Variants in SMYD3 observed in about 807,000 individuals in gnomAD.
SMYD3 encodes SET and MYND domain containing 3, also known as histone-lysine N-methyltransferase SMYD3.
Under a neutral mutation model 57.7 loss-of-function variants are expected in SMYD3, and 36 were observed. The ratio of observed to expected loss-of-function variants is 0.62; its 90% CI spans 0.48 to 0.82. The LOEUF is 0.82. SMYD3 is among the 40% of genes least tolerant of loss of function. SMYD3 has a pLI of 0.00. For missense variants in SMYD3, 515 were observed against 538.8 expected (o/e 0.96, Z 0.44); for synonymous variants, 211 against 195.0 (o/e 1.08, Z -0.68).
chr1:246,269,010 T>C (rs1048930235), intron 5 of SMYD3, among the ~76,000 whole-genome samples: 2 of 152,146 alleles, frequency 1.3e-5, no homozygotes, highest in Admixed American at 6.5e-5. Context: ...ATTACTAAAT[T>C]AGAATCAGTA....
chr1:246,399,006 ATTTTAT>A (rs1369139372), intron 1 of SMYD3, among the ~76,000 whole-genome samples: 2 of 152,034 alleles, frequency 1.3e-5, no homozygotes, highest in Non-Finnish European at 2.9e-5. Context: ...TTTTTCATAT[ATTTTAT>A]TTTTATTTTA....
At chr1:245,950,487 C>T (rs947193289) in intron 5 of SMYD3, among the ~76,000 whole-genome samples, 2 of 152,188 alleles carry the variant, frequency 1.3e-5, no homozygotes, top group South Asian at 2.1e-4. Context: ...AGGCCCTGAA[C>T]GTCTGACCAC....
At chr1:246,046,432 A>C (rs1344806999) in intron 5 of SMYD3, among the ~76,000 whole-genome samples, 1 of 152,056 alleles carries the variant, frequency 6.6e-6, no homozygotes, top group Non-Finnish European at 1.5e-5. Context: ...CAATGAGAAC[A>C]CTTGGACACA....
intron 5 of SMYD3, among the ~76,000 whole-genome samples, chr1:246,304,707 C>T (rs2064950932): frequency 6.6e-6 from 1 of 152,180 alleles, no homozygotes; most frequent in Non-Finnish European, 1.5e-5. Flanking sequence ...AATACACCCC[C>T]TGCAGCCTAA....
intron 1 of SMYD3, among the ~76,000 whole-genome samples, chr1:246,447,938 G>A (rs889008733): frequency 2.0e-5 from 3 of 152,102 alleles, no homozygotes; most frequent in African/African-American, 4.8e-5. Context: ...AACTTTCCAC[G>A]TCTGCTTCCT....
At chr1:246,179,346 T>C (rs2062492319) in intron 5 of SMYD3, 1 of 152,294 alleles carries the variant, frequency 6.6e-6, no homozygotes, top group Admixed American at 6.5e-5. Context: ...TAATTTATTT[T>C]GGTGATGAGG....
intron 5 of SMYD3, among the ~76,000 whole-genome samples, chr1:246,238,984 G>A (rs1019799339): frequency 5.3e-5 from 8 of 150,486 alleles, no homozygotes; most frequent in African/African-American, 9.8e-5. Flanking sequence ...CCTGATGAGC[G>A]TCACACAACG....
At chr1:246,217,323 C>T (rs1395611639) in intron 5 of SMYD3, among the ~76,000 whole-genome samples, 1 of 152,008 alleles carries the variant, frequency 6.6e-6, no homozygotes, top group Non-Finnish European at 1.5e-5. Flanking sequence ...AAATCACAAG[C>T]CAGGGTAACG....
At chr1:246,051,223 C>T (rs999452057) in intron 5 of SMYD3, among the ~76,000 whole-genome samples, 1 of 151,718 alleles carries the variant, frequency 6.6e-6, no homozygotes, top group African/African-American at 2.4e-5. Context: ...CTCCACCTCC[C>T]AGGCTCATCA....
rs574674054 is a variant in SMYD3, at chr1:246,179,960, G to A, written c.531+147241C>T. Among the ~76,000 whole-genome samples the A allele has an allele frequency of 1.7e-4, 26 of 152,154 alleles. 2 individuals carry two copies. In the South Asian group the frequency reaches 5.4e-3, roughly 32 times the overall value. Reference sequence around the variant, plus strand: ...GTTCTTCAAAGGTGGGGACCTACTTGTTATCAGAGTAGCAGCCAAAAGAGG... The same window carrying A: ...GTTCTTCAAAGGTGGGGACCTACTTATTATCAGAGTAGCAGCCAAAAGAGG... On this transcript the variant is annotated intron_variant, in intron 5 of 11. Coordinates refer to ENST00000490107, the MANE Select transcript of SMYD3 (RefSeq NM_001167740.2).
chr1:245,779,165 GAA>G (rs369697643), intron 10 of SMYD3, among the ~76,000 whole-genome samples: 4 of 126,526 alleles, frequency 3.2e-5, no homozygotes, highest in Non-Finnish European at 5.5e-5. Context: ...GTCCCAAGGG[GAA>G]AAAAAAAAAA....
chr1:245,952,068 A>G (rs1324667524), intron 5 of SMYD3, among the ~76,000 whole-genome samples: 3 of 152,006 alleles, frequency 2.0e-5, no homozygotes, highest in Non-Finnish European at 4.4e-5. Flanking sequence ...CCGTTTCTGG[A>G]AAAAAAATGT....
intron 10 of SMYD3, among the ~76,000 whole-genome samples, chr1:245,802,745 A>G (rs1216954977): frequency 6.6e-6 from 1 of 152,212 alleles, no homozygotes; most frequent in African/African-American, 2.4e-5. Context: ...CTATGAAGAG[A>G]GTGAGGAATG....
intron 11 of SMYD3, among the ~76,000 whole-genome samples, chr1:245,754,362 T>C (rs920314352): frequency 6.6e-6 from 1 of 151,820 alleles, no homozygotes; most frequent in South Asian, 2.1e-4. Context: ...AATATGGATA[T>C]AAAATCAGAG....
chr1:245,749,508 C>T lies in SMYD3; in HGVS notation c.*55G>A. ...GCTAACAAAGCATAGAGTGTGTGAC[C>T]TCAATAAGGCATTCAACAAAGACAC... On this transcript the variant is annotated 3_prime_UTR_variant, in exon 12 of 12. Transcript: ENST00000490107. 1 of 1,352,612 alleles carries T rather than the reference C, an allele frequency of 7.4e-7. No individual in the cohort carries two copies. The highest frequency in any genetic ancestry group is 2.3e-5 in the East Asian group (1 of 43,666). 83.8% of individuals were successfully genotyped at this position (1,352,612 alleles called of 1,614,324 possible). A position where few individuals can be genotyped will look rare whatever the true frequency, so the allele number is the denominator to read the frequency against.
At chr1:245,922,278 A>C (rs940420021) in intron 7 of SMYD3, among the ~76,000 whole-genome samples, 7 of 152,246 alleles carry the variant, frequency 4.6e-5, no homozygotes, top group Admixed American at 2.0e-4. Flanking sequence ...TTTCAGACTT[A>C]AAGGTACCTT....
At chr1:246,373,843 G>A (rs1448214845) in intron 1 of SMYD3, among the ~76,000 whole-genome samples, 2 of 152,076 alleles carry the variant, frequency 1.3e-5, no homozygotes, top group Non-Finnish European at 2.9e-5. Context: ...AACATTACTT[G>A]TTTGAAAATA....
intron 1 of SMYD3, among the ~76,000 whole-genome samples, chr1:246,437,119 G>A (rs1379001639): frequency 2.6e-5 from 4 of 152,116 alleles, no homozygotes; most frequent in East Asian, 3.9e-4. Context: ...GGCTGGTCTC[G>A]AACTCCTGAC....
At chr1:246,481,607 T>TATATATTATATATATATATATATATAC (rs1156393004) in intron 1 of SMYD3, among the ~76,000 whole-genome samples, 1 of 61,980 alleles carries the variant, frequency 1.6e-5, no homozygotes, top group African/African-American at 4.9e-5. Flanking sequence ...TATATATATA[T>TATATATTATATATATATATATATATAC]ACACATACAT....
Sources: gnomAD v4.1 joint callset for allele counts (sites outside exome capture counted in the v4.1 genomes callset) on GRCh38, gnomAD v4.1.1 for gene constraint, MANE v1.5 for transcripts, NCBI Gene and HGNC (gene_info 2026-07-23, HGNC 2026-07-21) for gene names.